Variants in GRIK4 observed in about 807,000 individuals in gnomAD.
GRIK4 encodes glutamate ionotropic receptor kainate type subunit 4.
Under a neutral mutation model 104.9 loss-of-function variants are expected in GRIK4, and 40 were observed. That is an observed-to-expected ratio of 0.38 (90% confidence interval 0.30 to 0.50). GRIK4 has a LOEUF of 0.50. GRIK4 is among the 20% of genes least tolerant of loss of function. The probability of loss-of-function intolerance (pLI) is 0.93; values close to 1 mark genes in which losing one functional copy is unlikely to be tolerated. For missense variants in GRIK4, 1,047 were observed against 1,308.1 expected (o/e 0.80, Z 3.08); for synonymous variants, 485 against 524.9 (o/e 0.92, Z 1.04).
Position 120,776,165 on chromosome 11 carries a change from C to T in GRIK4, c.83-26528C>T, listed in dbSNP as rs567611845. 6.6e-5 allele frequency among the ~76,000 whole-genome samples: 10 copies of T among 152,350 alleles called. No homozygotes were observed. In the South Asian group the frequency reaches 1.9e-3, roughly 28 times the overall value. On this transcript the variant is annotated intron_variant, in intron 3 of 20. Transcript: ENST00000527524. ...CTGCTCTCTGTTATTGTTGTGCAGA[C>T]GTGGCTGCAATGTCCTCTGATTAGT...
chr11:120,674,575 C>T (rs895136541), intron 3 of GRIK4, among the ~76,000 whole-genome samples: 5 of 152,224 alleles, frequency 3.3e-5, no homozygotes, highest in Non-Finnish European at 7.3e-5. Flanking sequence ...TTGGCTTCCT[C>T]CAAGCTGTGT....
intron 3 of GRIK4, among the ~76,000 whole-genome samples, chr11:120,759,700 G>A (rs142379477): frequency 2.7e-4 from 41 of 152,208 alleles, no homozygotes; most frequent in African/African-American, 9.6e-4. Flanking sequence ...ATACTGGTAA[G>A]GGAAATGGGA....
At chr11:120,624,218 C>T (rs973645964) in intron 1 of GRIK4, among the ~76,000 whole-genome samples, 1 of 152,152 alleles carries the variant, frequency 6.6e-6, no homozygotes, top group Admixed American at 6.5e-5. Context: ...TAACCTCTCA[C>T]CAAGGGCTCT....
rs12273488 is a variant in GRIK4, at chr11:120,903,858, G to A, written c.1273-1432G>A. On this transcript the variant is annotated intron_variant, in intron 12 of 20. Coordinates refer to ENST00000527524, the MANE Select transcript of GRIK4 (RefSeq NM_014619.5). This position sits in a 1 kb window ranked among gnomAD's most constrained non-coding sequence, Gnocchi z 4.4. ...TACGGAGTCCTGCTGCCCCCACCACGCCTGCCTTCAAAAGGTCGGCAGTGA... is the reference window on the plus strand; with the variant it reads ...TACGGAGTCCTGCTGCCCCCACCACACCTGCCTTCAAAAGGTCGGCAGTGA... Among the ~76,000 whole-genome samples the A allele has an allele frequency of 0.076, 11,551 of 152,198 alleles. 1,484 individuals are homozygous for A. Among genetic ancestry groups the A allele is most frequent in the African/African-American group, 0.26 (10,922 of 41,506 alleles).
rs142278045 is a variant in GRIK4 at position 120,790,130 on chromosome 11, C to T, written c.83-12563C>T. ...CGTAAGATTTTGTCATATCACTTAC[C>T]GTATCAGGTTGTGGCTATTTGCTTG... is the stretch of plus-strand genomic sequence containing the variant. On this transcript the variant is annotated intron_variant, in intron 3 of 20. Transcript: ENST00000527524. 3.8e-3 allele frequency among the ~76,000 whole-genome samples: 579 copies of T among 152,192 alleles called. 4 individuals are homozygous for T. The highest frequency in any genetic ancestry group is 5.9e-3 in the Non-Finnish European group (403 of 68,018).
intron 18 of GRIK4, among the ~76,000 whole-genome samples, chr11:120,964,757 A>G (rs1944353883): frequency 6.6e-6 from 1 of 152,158 alleles, no homozygotes. Context: ...ATGTTCTCTC[A>G]CTTAATAGTC....
intron 3 of GRIK4, among the ~76,000 whole-genome samples, chr11:120,799,115 A>G (rs1020483263): frequency 3.9e-5 from 6 of 152,214 alleles, no homozygotes; most frequent in African/African-American, 1.4e-4. Flanking sequence ...ACATCAAAAC[A>G]TTCCCAGTCC....
At chr11:120,635,440 G>A (rs572483483) in intron 1 of GRIK4, among the ~76,000 whole-genome samples, 2 of 152,224 alleles carry the variant, frequency 1.3e-5, no homozygotes, top group East Asian at 3.8e-4. Context: ...CAGGGGTGTT[G>A]GAGAGTGCCC....
intron 1 of GRIK4, among the ~76,000 whole-genome samples, chr11:120,548,213 T>C (rs1399206904): frequency 6.6e-6 from 1 of 152,006 alleles, no homozygotes; most frequent in Non-Finnish European, 1.5e-5. Context: ...ATAGACACCA[T>C]GCATGACACG....
chr11:120,639,126 G>A (rs533970393), intron 1 of GRIK4, among the ~76,000 whole-genome samples: 3 of 152,126 alleles, frequency 2.0e-5, no homozygotes, highest in African/African-American at 7.2e-5. Context: ...ACCATGAAGC[G>A]GAGGTTGCAG....
intron 18 of GRIK4, among the ~76,000 whole-genome samples, chr11:120,966,143 A>T (rs1591341743): frequency 6.6e-6 from 1 of 152,148 alleles, no homozygotes; most frequent in East Asian, 1.9e-4. Flanking sequence ...AATGGTACTG[A>T]ACAGAAAAAA....
intron 3 of GRIK4, among the ~76,000 whole-genome samples, chr11:120,802,196 G>T (rs1952632972): frequency 6.6e-6 from 1 of 152,200 alleles, no homozygotes; most frequent in African/African-American, 2.4e-5. Flanking sequence ...AGAGCCTGGG[G>T]AGCCAGCATT....
At chr11:120,706,158 G>C (rs79191398) in intron 3 of GRIK4, among the ~76,000 whole-genome samples, 485 of 152,340 alleles carry the variant, frequency 3.2e-3, no homozygotes, top group African/African-American at 0.01. Context: ...ATTTGCAGGA[G>C]TTTGATGGTC....
At chr11:120,629,308 A>T (rs4935745) in intron 1 of GRIK4, among the ~76,000 whole-genome samples, 1,672 of 152,280 alleles carry the variant, frequency 0.011, 32 homozygotes, top group African/African-American at 0.037. Flanking sequence ...CAGTTTCTTC[A>T]TTTGAAAAAT....
chr11:120,682,818 A>G (rs1950218458), intron 3 of GRIK4, among the ~76,000 whole-genome samples: 1 of 151,554 alleles, frequency 6.6e-6, no homozygotes, highest in African/African-American at 2.4e-5. Context: ...CCACCTCTCC[A>G]TGGACCTTCT....
chr11:120,827,435 T>TGGCAAGCA (rs1953296895), intron 6 of GRIK4, among the ~76,000 whole-genome samples: 1 of 151,858 alleles, frequency 6.6e-6, no homozygotes, highest in Non-Finnish European at 1.5e-5. Flanking sequence ...GCCTTAGACT[T>TGGCAAGCA]GGCAGGCAGG....
At chr11:120,785,354 G>C (rs1453228969) in intron 3 of GRIK4, among the ~76,000 whole-genome samples, 1 of 152,030 alleles carries the variant, frequency 6.6e-6, no homozygotes, top group Non-Finnish European at 1.5e-5. Flanking sequence ...CTACCCAAAA[G>C]AAAACCTACA....
chr11:120,718,478 C>A (rs779387411), intron 3 of GRIK4, among the ~76,000 whole-genome samples: 5 of 152,134 alleles, frequency 3.3e-5, no homozygotes, highest in Non-Finnish European at 7.4e-5. Flanking sequence ...AGATTGGTGT[C>A]GCTGGATAAT....
rs144170234 is a variant in GRIK4, at chr11:120,875,477, G to A, written c.1164+234G>A. 2.2e-3 allele frequency among the ~76,000 whole-genome samples: 330 copies of A among 152,306 alleles called. 1 individual carries two copies. The highest frequency in any genetic ancestry group is 7.2e-3 in the African/African-American group (298 of 41,558). On this transcript the variant is annotated intron_variant, in intron 11 of 20. Transcript: ENST00000527524. ...TAAGAAGGAGAGAACTGGGGTGAAA[G>A]GGGAGGCAAGGGTGTGTCATGTAAG... is the stretch of plus-strand genomic sequence containing the variant.
Sources: allele counts gnomAD v4.1 joint callset (sites outside exome capture counted in the v4.1 genomes callset), GRCh38; gene constraint gnomAD v4.1.1; non-coding constraint Gnocchi (gnomAD v3.1); transcripts MANE v1.5; gene names NCBI Gene and HGNC (gene_info 2026-07-23, HGNC 2026-07-21).